The following TXLNG variants were observed in gnomAD, a reference collection of about 807,000 sequenced individuals.
TXLNG encodes taxilin gamma, also known as gamma-taxilin.
Under a neutral mutation model 38.8 loss-of-function variants are expected in TXLNG, and 5 were observed. The observed-to-expected ratio is 0.13, with a 90% CI of 0.07 to 0.27. TXLNG has a LOEUF of 0.27. TXLNG is among the 10% of genes least tolerant of loss of function. The pLI, the probability that TXLNG is intolerant of heterozygous loss-of-function variation, is 1.00. For missense variants in TXLNG, 393 were observed against 398.2 expected, an observed-to-expected ratio of 0.99 and a Z score of 0.11; for synonymous variants, 182 against 158.2, an observed-to-expected ratio of 1.15 and a Z score of -1.13.
intron 1 of TXLNG, among the ~76,000 whole-genome samples, chrX:16,796,003 G>A (rs374203869): frequency 9.2e-6 from 1 of 108,422 alleles, no homozygotes; most frequent in Admixed American, 1.0e-4. Context: ...TAGTAGAAAC[G>A]GGGTTTCATC....
chrX:16,841,066 G>A (rs779835838), intron 9 of TXLNG, among the ~76,000 whole-genome samples: 9 of 109,666 alleles, frequency 8.2e-5, no homozygotes, highest in South Asian at 4.0e-4. Flanking sequence ...GTGGTGGGGC[G>A]CGCCTGTAGT....
intron 1 of TXLNG, among the ~76,000 whole-genome samples, chrX:16,809,633 C>T (rs1356084432): frequency 1.8e-5 from 2 of 110,581 alleles, no homozygotes; most frequent in Non-Finnish European, 3.8e-5. Context: ...TGTGAGCCAC[C>T]GCACCAGGCC....
At chrX:16,811,136 C>T (rs183579038) in intron 1 of TXLNG, among the ~76,000 whole-genome samples, 1 of 111,515 alleles carries the variant, frequency 9.0e-6, no homozygotes, top group Admixed American at 9.6e-5. Flanking sequence ...CTGTATGTAT[C>T]AAATACGTGA....
intron 1 of TXLNG, among the ~76,000 whole-genome samples, chrX:16,816,442 A>G (rs1345502713): frequency 8.9e-6 from 1 of 112,975 alleles, no homozygotes; most frequent in African/African-American, 3.2e-5. Flanking sequence ...GCCCCCAAAT[A>G]GCTAGGACTA....
chrX:16,801,105 G>A (rs1569262562), intron 1 of TXLNG, among the ~76,000 whole-genome samples: 1 of 112,960 alleles, frequency 8.9e-6, no homozygotes, highest in Non-Finnish European at 1.9e-5. Context: ...AGCGATGCCA[G>A]CGCCATGCTT....
intron 1 of TXLNG, among the ~76,000 whole-genome samples, chrX:16,786,950 A>G (rs1229894224): frequency 9.2e-6 from 1 of 108,834 alleles, no homozygotes; most frequent in African/African-American, 3.3e-5. Context: ...TCTCCCAGTC[A>G]CCGCCGTCAC....
intron 1 of TXLNG, among the ~76,000 whole-genome samples, chrX:16,807,200 T>G (rs1928365071): frequency 8.9e-6 from 1 of 112,198 alleles, no homozygotes; most frequent in Non-Finnish European, 1.9e-5. Flanking sequence ...TAGACATGTC[T>G]TACCTCCCTA....
intron 1 of TXLNG, among the ~76,000 whole-genome samples, chrX:16,800,951 CCT>C (rs1329977864): frequency 1.8e-5 from 2 of 111,289 alleles, no homozygotes; most frequent in Non-Finnish European, 3.8e-5. Context: ...CAACCATCCC[CCT>C]GATAGTTCTA....
chrX:16,793,989 T>C (rs1927790422), intron 1 of TXLNG, among the ~76,000 whole-genome samples: 1 of 111,868 alleles, frequency 8.9e-6, no homozygotes, highest in South Asian at 3.7e-4. Context: ...AGTTCTGCTA[T>C]GTGTCAGCAG....
chrX:16,833,202 G>A (rs1929476153), intron 6 of TXLNG, among the ~76,000 whole-genome samples: 1 of 112,030 alleles, frequency 8.9e-6, no homozygotes, highest in African/African-American at 3.2e-5. Flanking sequence ...TGAAACTGGG[G>A]AAGTCATTTA....
intron 1 of TXLNG, among the ~76,000 whole-genome samples, chrX:16,814,443 G>A (rs1475847514): frequency 1.8e-5 from 2 of 111,675 alleles, no homozygotes; most frequent in African/African-American, 3.3e-5. Context: ...GTGAAACCCT[G>A]TCTCTACTAA....
chrX:16,819,722 T>A (rs978841069), intron 2 of TXLNG, among the ~76,000 whole-genome samples: 1 of 112,233 alleles, frequency 8.9e-6, no homozygotes, highest in South Asian at 3.7e-4. Context: ...GGAAAAGATA[T>A]GTTCTCCTGT....
In TXLNG at chrX:16,842,543, T is replaced by C. The variant is rs1005508167; in HGVS notation, c.*777T>C. On this transcript the variant is annotated 3_prime_UTR_variant, in exon 10 of 10. Transcript: ENST00000380122. ...TCTGATTTGGGATTTCAGTACATAT[T>C]CTCCACTTCCCATAGAAGGCCACTT... 9.0e-6 allele frequency: 1 copy of C among 111,717 alleles called. No homozygotes were observed. The allele number at this position is 111,717 out of a possible 1,213,427, so 9.2% of individuals were successfully genotyped here. A position where few individuals can be genotyped will look rare whatever the true frequency, so the allele number is the denominator to read the frequency against.
In TXLNG at chrX:16,842,799, C is replaced by T. The variant is rs1228468620; in HGVS notation, c.*1033C>T. ...TTGATTTTCATTTCCAAAACAAACA[C>T]TGGCACCAACATTTTTACTTTGGGA... On this transcript the variant is annotated 3_prime_UTR_variant, in exon 10 of 10. Coordinates refer to ENST00000380122, the MANE Select transcript of TXLNG (RefSeq NM_018360.3). 1.8e-5 allele frequency: 2 copies of T among 112,137 alleles called. No homozygotes were observed. Among genetic ancestry groups the T allele is most frequent in the Non-Finnish European group, 3.8e-5 (2 of 53,286 alleles). 9.2% of individuals were successfully genotyped at this position (112,137 alleles called of 1,213,427 possible).
chrX:16,798,110 A>G (rs768968841), intron 1 of TXLNG, among the ~76,000 whole-genome samples: 2 of 112,458 alleles, frequency 1.8e-5, no homozygotes, highest in Non-Finnish European at 3.8e-5. Flanking sequence ...CTTGCGTGTC[A>G]AATGGGTCTC....
chrX:16,791,554 G>GTTATTGGAACGTGTT (rs1439213429), intron 1 of TXLNG, among the ~76,000 whole-genome samples: 1 of 112,000 alleles, frequency 8.9e-6, no homozygotes, highest in African/African-American at 3.2e-5. Context: ...TATTTATTAT[G>GTTATTGGAACGTGTT]TTATTGGAAC....
intron 1 of TXLNG, among the ~76,000 whole-genome samples, chrX:16,803,719 C>T (rs1170523220): frequency 3.8e-5 from 4 of 106,241 alleles, no homozygotes; most frequent in African/African-American, 6.8e-5. Flanking sequence ...TTTGGGAGGC[C>T]GAGGCGGGCA....
intron 9 of TXLNG, chrX:16,840,393 C>G (rs1396607825): frequency 1.4e-6 from 1 of 738,794 alleles, no homozygotes; most frequent in African/African-American, 2.3e-5. Context: ...ACTTATTAGG[C>G]TTTCAAAAAA....
In TXLNG at chrX:16,786,585, A is replaced by G. The variant is rs1927490867; in HGVS notation, c.98A>G (p.Gln33Arg). 9.4e-7 allele frequency: 1 copy of G among 1,065,660 alleles called. No individual in the cohort carries two copies. Among genetic ancestry groups the G allele is most frequent in the African/African-American group, 2.0e-5 (1 of 51,078 alleles). 87.8% of individuals were successfully genotyped at this position (1,065,660 alleles called of 1,213,427 possible). The change falls in exon 1 of 10, where the codon CAG becomes CGG. Residue 33 changes from glutamine to arginine, a missense_variant. Transcript: ENST00000380122. ...GGCGGACGGCGACGCAGCCCGCGGC[A>G]GAAGGTCAGTCAGGGGGACGCCCTC... ...GRGGRRRSPRQKFEIGTMEEA... is the reference protein window; with the variant it reads ...GRGGRRRSPRRKFEIGTMEEA...
Sources: gnomAD v4.1 joint callset for allele counts (sites outside exome capture counted in the v4.1 genomes callset) on GRCh38, gnomAD v4.1.1 for gene constraint, MANE v1.5 for transcripts, NCBI Gene and HGNC (gene_info 2026-07-23, HGNC 2026-07-21) for gene names.